Variants in MED12L observed in about 807,000 individuals in gnomAD.
MED12L encodes mediator of RNA polymerase II transcription subunit 12-like protein.
MED12L carries 60 observed loss-of-function variants against 281.3 expected under a neutral mutation model. The observed-to-expected ratio is 0.21, with a 90% CI of 0.17 to 0.26. MED12L has a LOEUF of 0.26. MED12L is among the 10% of genes least tolerant of loss of function. The pLI is 1.00. For synonymous variants in MED12L, 974 were observed against 987.2 expected (o/e 0.99, Z 0.25); for missense variants, 2,146 against 2,680.9 (o/e 0.80, Z 4.41).
intron 16 of MED12L, among the ~76,000 whole-genome samples, chr3:151,259,712 A>C (rs568860337): frequency 4.6e-5 from 7 of 152,352 alleles, no homozygotes; most frequent in African/African-American, 1.7e-4. Flanking sequence ...TCTACTGTGT[A>C]TAAATACTCT....
At chr3:151,325,137 T>C (rs773751452) in intron 16 of MED12L, among the ~76,000 whole-genome samples, 6 of 152,214 alleles carry the variant, frequency 3.9e-5, no homozygotes, top group Non-Finnish European at 7.3e-5. Flanking sequence ...ATTGAATGAT[T>C]GTTTTATAAG....
At position 151,279,358 on chromosome 3, in the gene MED12L, A is replaced by C. The variant is rs112464597; in HGVS notation, c.2251-70701A>C. Among the ~76,000 whole-genome samples, 976 of 152,332 alleles carry C rather than the reference A, an allele frequency of 6.4e-3. 7 individuals are homozygous for C. The highest frequency in any genetic ancestry group is 0.013 in the South Asian group (61 of 4,832). ...TGCCCGTTACTATTCTAGTTGCTTT[A>C]TATGTACTTGCTACGTAGGAGGCAG... On this transcript the variant is annotated intron_variant, in intron 16 of 44. Transcript: ENST00000687756.
chr3:151,176,693 A>G (rs1034184321), intron 11 of MED12L, among the ~76,000 whole-genome samples: 3 of 152,092 alleles, frequency 2.0e-5, no homozygotes, highest in African/African-American at 7.2e-5. Flanking sequence ...ATCCTTTCAG[A>G]TATTTATTCC....
At chr3:151,421,558 G>A (rs1240360759) in intron 43 of MED12L, among the ~76,000 whole-genome samples, 1 of 151,920 alleles carries the variant, frequency 6.6e-6, no homozygotes. Flanking sequence ...TTACAGGCAC[G>A]CACCATCACA....
intron 16 of MED12L, among the ~76,000 whole-genome samples, chr3:151,196,494 C>G (rs76331305): frequency 0.021 from 3,259 of 152,144 alleles, 120 homozygotes; most frequent in East Asian, 0.18. Context: ...TAAATGAAGA[C>G]CAAAGAGAAG....
At chr3:151,366,644 C>G (rs747950315) in intron 23 of MED12L, among the ~76,000 whole-genome samples, 6 of 152,126 alleles carry the variant, frequency 3.9e-5, no homozygotes, top group African/African-American at 7.2e-5. Context: ...ACACTAGTAT[C>G]TCTTATGCAT....
chr3:151,295,401 C>T, intron 16 of MED12L: 1 of 572,858 alleles, frequency 1.7e-6, no homozygotes, highest in South Asian at 2.4e-5. Context: ...TCTCTCACTA[C>T]CCTGCCTCCC....
At chr3:151,353,509 A>G (rs1281167813) in intron 17 of MED12L, among the ~76,000 whole-genome samples, 3 of 152,228 alleles carry the variant, frequency 2.0e-5, no homozygotes, top group Non-Finnish European at 4.4e-5. Context: ...ATGTTACCCC[A>G]GCACCTTTAA....
chr3:151,191,067 A>G (rs924573877), intron 14 of MED12L, 136 bp downstream of exon 14: 7 of 697,956 alleles, frequency 1.0e-5, no homozygotes, highest in African/African-American at 5.4e-5. Context: ...GTTTATCTCT[A>G]CTTCTCGAGC....
chr3:151,378,912 G>A (rs1349920627), intron 31 of MED12L, among the ~76,000 whole-genome samples: 1 of 152,142 alleles, frequency 6.6e-6, no homozygotes, highest in African/African-American at 2.4e-5. Flanking sequence ...ATGTACATGA[G>A]CTTTTAAAAT....
At chr3:151,267,958 T>C (rs527489466) in intron 16 of MED12L, among the ~76,000 whole-genome samples, 1 of 152,300 alleles carries the variant, frequency 6.6e-6, no homozygotes, top group East Asian at 1.9e-4. Flanking sequence ...ATTATCCTAA[T>C]TTATGAATTT....
At chr3:151,300,203 G>A in intron 16 of MED12L, 2 of 831,422 alleles carry the variant, frequency 2.4e-6, no homozygotes, top group African/African-American at 1.7e-5. Flanking sequence ...TGATTTCTGG[G>A]GAGAAAATGA....
At chr3:151,205,148 T>C (rs1407538749) in intron 16 of MED12L, among the ~76,000 whole-genome samples, 1 of 152,206 alleles carries the variant, frequency 6.6e-6, no homozygotes, top group African/African-American at 2.4e-5. Context: ...AGCCACTTTT[T>C]TCTATCTGTT....
At chr3:151,107,447 G>C (rs1243971929) in intron 2 of MED12L, among the ~76,000 whole-genome samples, 1 of 152,052 alleles carries the variant, frequency 6.6e-6, no homozygotes, top group Non-Finnish European at 1.5e-5. Flanking sequence ...CTTGGAATTC[G>C]CTCACTATGG....
At chr3:151,134,188 G>GTT (rs3069372) in intron 5 of MED12L, among the ~76,000 whole-genome samples, 11 of 129,284 alleles carry the variant, frequency 8.5e-5, no homozygotes, top group South Asian at 2.5e-4. Flanking sequence ...TTGTGGGGTT[G>GTT]TTTTTTTTTT....
Position 151,193,637 on chromosome 3 carries a change from C to G in MED12L, c.2221C>G (p.Gln741Glu), listed in dbSNP as rs1724263784. ...PSNYDLLRHL[Q>E]YATHFPIPLD... ...TAATTATGACCTCCTTCGCCACTTA[C>G]AGTATGCAACACATTTTCCTATACC... The change falls in exon 16 of 45, where the codon CAG (glutamine) becomes GAG (glutamate). Residue 741 changes from glutamine to glutamate, a missense_variant. Coordinates refer to ENST00000687756, the MANE Select transcript of MED12L (RefSeq NM_001393769.1). The G allele has an allele frequency of 6.2e-7, 1 of 1,613,882 alleles. No individual in the cohort carries two copies. Among genetic ancestry groups the G allele is most frequent in the South Asian group, 1.1e-5 (1 of 91,082 alleles).
At chr3:151,087,327 T>C (rs1719391445) in intron 2 of MED12L, among the ~76,000 whole-genome samples, 1 of 152,236 alleles carries the variant, frequency 6.6e-6, no homozygotes, top group Non-Finnish European at 1.5e-5. Context: ...CCTTGCTCGC[T>C]CTCACCCGTT....
At chr3:151,427,591 G>T (rs1276482781) in intron 43 of MED12L, among the ~76,000 whole-genome samples, 4 of 152,140 alleles carry the variant, frequency 2.6e-5, no homozygotes, top group Admixed American at 2.6e-4. Context: ...AATAAATGTT[G>T]ACTATTTGTA....
Position 151,372,605 on chromosome 3 carries a change from A to G in MED12L, c.3703A>G (p.Lys1235Glu), listed in dbSNP as rs1248846276. ...KIGNNSVSSL[K>E]NDDFTMRGLR... ...TGGCAATAACAGTGTCAGCTCTTTA[A>G]AGAATGATGACTTCACCATGAGAGG... Residue 1235 changes from lysine (K) to glutamate (E), a missense_variant, in exon 27 of 45, where the codon AAG (lysine) becomes GAG (glutamate). Physicochemically the swap from Lys to Glu is moderately conservative, Grantham distance 56. Transcript: ENST00000687756. 6.2e-7 allele frequency: 1 copy of G among 1,613,924 alleles called. No homozygotes were observed. Among genetic ancestry groups the G allele is most frequent in the Admixed American group, 1.7e-5 (1 of 60,022 alleles).
Sources: allele counts gnomAD v4.1 joint callset (sites outside exome capture counted in the v4.1 genomes callset), GRCh38; gene constraint gnomAD v4.1.1; transcripts MANE v1.5; gene names NCBI Gene and HGNC (gene_info 2026-07-23, HGNC 2026-07-21).